The following SBF1 variants were observed in gnomAD, a reference collection of about 807,000 sequenced individuals.
The protein encoded by SBF1 is SET binding factor 1, also known as myotubularin-related protein 5.
SBF1 carries 65 observed loss-of-function variants against 215.8 expected under a neutral mutation model. The observed-to-expected ratio is 0.30, with a 90% CI of 0.25 to 0.37. SBF1 has a LOEUF of 0.37. Ranked by LOEUF, SBF1 falls within the 10% of genes least tolerant of loss-of-function variation. The pLI is 1.00. For missense variants in SBF1, 2,634 were observed against 2,667.8 expected (o/e 0.99, Z 0.28); for synonymous variants, 1,410 against 1,122.8 (o/e 1.26, Z -5.11).
chr22:50,464,782 G>C (rs780501494), intron 13 of SBF1, 37 bp downstream of exon 13: 2 of 1,612,292 alleles, frequency 1.2e-6, no homozygotes, highest in East Asian at 4.5e-5. Context: ...CAGGGATCAA[G>C]GCGGTACGAC....
At chr22:50,463,664 G>A (rs915841757) in intron 15 of SBF1, among the ~76,000 whole-genome samples, 11 of 152,266 alleles carry the variant, frequency 7.2e-5, no homozygotes, top group Non-Finnish European at 1.6e-4. Context: ...CCTGTGAGCT[G>A]GCAGGGAGGT....
chr22:50,455,119 C>T lies in SBF1; in HGVS notation c.4578G>A (p.Glu1526=), dbSNP rs2067196349. Residue 1526 remains glutamate, a synonymous_variant, in exon 34 of 41, where the codon GAG becomes GAA. Coordinates refer to ENST00000380817, the MANE Select transcript of SBF1 (RefSeq NM_002972.4). The part of the protein sequence containing the change: ...VHQVHLQFPM[E]FEFSQFYLKF... ...TGAGGTAGAACTGGCTGAACTCAAA[C>T]TCCATGGGGAACTGCAGGTGGACCT... 3 of 1,614,162 alleles carry T rather than the reference C, an allele frequency of 1.9e-6. No individual in the cohort carries two copies. In the African/African-American group the frequency reaches 4.0e-5, roughly 22 times the overall value.
At chr22:50,472,887 C>T (rs1603435644) in intron 1 of SBF1, among the ~76,000 whole-genome samples, 1 of 152,200 alleles carries the variant, frequency 6.6e-6, no homozygotes, top group African/African-American at 2.4e-5. Flanking sequence ...CCAGCTCAAC[C>T]CCAGAAGGTA....
chr22:50,448,465 C>T (rs1255380545), intron 37 of SBF1, 21 bp from the exon 38 acceptor site: 1 of 1,612,644 alleles, frequency 6.2e-7, no homozygotes, highest in Non-Finnish European at 8.5e-7. Context: ...GAGGTTGGGA[C>T]TTGGGTCAGG....
rs138127298 is a variant in SBF1 at position 50,448,285 on chromosome 22, G to A, written c.5311C>T (p.Arg1771Cys). 5.6e-4 allele frequency: 897 copies of A among 1,613,136 alleles called. 13 individuals are homozygous for A. In the East Asian group the frequency reaches 0.016, roughly 29 times the overall value. The change falls in exon 38 of 41, where the codon CGC becomes TGC. Residue 1771 changes from arginine (R) to cysteine (C), a missense_variant. By Grantham distance (180) the Arg-to-Cys change is radical. Transcript: ENST00000380817. ...TGGCTGTACAGGGTGCTGGTGCTGC[G>A]GCGGGCAGCCTGACGGGAGCCGGAT... ...TTSGSRQAAR[R>C]STSTLYSQFQ...
Position 50,461,845 on chromosome 22 carries a change from G to C in SBF1, c.2594C>G (p.Thr865Ser). The change falls in exon 21 of 41, where the codon ACC becomes AGC. Residue 865 changes from threonine (T) to serine (S), a missense_variant. Coordinates refer to ENST00000380817, the MANE Select transcript of SBF1 (RefSeq NM_002972.4). Reference sequence around the variant, plus strand: ...GCTCTCCCGCTGCACGGCCTCCAGGGTCTCGATGTGCATCTGGACAATGTC... The same window carrying C: ...GCTCTCCCGCTGCACGGCCTCCAGGCTCTCGATGTGCATCTGGACAATGTC... ...VPDIVQMHIETLEAVQRESRR... is the reference protein window; with the variant it reads ...VPDIVQMHIESLEAVQRESRR... The C allele has an allele frequency of 6.2e-7, 1 of 1,613,858 alleles. No individual in the cohort carries two copies. The highest frequency in any genetic ancestry group is 8.5e-7 in the Non-Finnish European group (1 of 1,180,032).
chr22:50,450,824 C>T (rs188479066), intron 36 of SBF1, among the ~76,000 whole-genome samples: 2 of 152,160 alleles, frequency 1.3e-5, no homozygotes, highest in South Asian at 2.1e-4. Context: ...AAAGACAACA[C>T]AGGCAGGGCA....
At position 50,468,472 on chromosome 22, in the gene SBF1, G is replaced by C; in HGVS notation, c.56-11C>G. The C allele has an allele frequency of 6.3e-7, 1 of 1,581,980 alleles. No homozygotes were observed. The highest frequency in any genetic ancestry group is 8.6e-7 in the Non-Finnish European group (1 of 1,161,202). On this transcript the variant is annotated splice_polypyrimidine_tract_variant and intron_variant, in intron 1 of 40. Coordinates refer to ENST00000380817, the MANE Select transcript of SBF1 (RefSeq NM_002972.4). ...GGCCTTCCCCACTCCCTGAGGACAA[G>C]AACAGGGGGTCAGAGCACCCAACCC...
chr22:50,470,585 C>T (rs558420754), intron 1 of SBF1, among the ~76,000 whole-genome samples: 1 of 152,254 alleles, frequency 6.6e-6, no homozygotes, highest in South Asian at 2.1e-4. Flanking sequence ...CCACAGAGCA[C>T]CCCCTCCCCT....
chr22:50,459,605 G>A lies in SBF1; in HGVS notation c.3553C>T (p.Arg1185Cys), dbSNP rs962590087. The A allele has an allele frequency of 1.7e-5, 27 of 1,609,780 alleles. No individual in the cohort carries two copies. The highest frequency in any genetic ancestry group is 2.1e-5 in the Non-Finnish European group (25 of 1,178,938). Reference protein sequence around the residue: ...VQDNALQRVSRCYRQNRFPVV... With the variant: ...VQDNALQRVSCCYRQNRFPVV... ...GGGAAGCGGTTCTGGCGGTAGCAGCGGGACACGCGCTGCAGGGCGTTGTCC... is the reference window on the plus strand; with the variant it reads ...GGGAAGCGGTTCTGGCGGTAGCAGCAGGACACGCGCTGCAGGGCGTTGTCC... Residue 1185 changes from arginine to cysteine, a missense_variant, in exon 27 of 41, where the codon CGC becomes TGC. By Grantham distance (180) the Arg-to-Cys change is radical (BLOSUM62 -3). Coordinates refer to ENST00000380817, the MANE Select transcript of SBF1 (RefSeq NM_002972.4).
chr22:50,461,191 C>A lies in SBF1; in HGVS notation c.2935G>T (p.Asp979Tyr), dbSNP rs1252953498. The A allele has an allele frequency of 2.5e-6, 4 of 1,609,762 alleles. No individual in the cohort carries two copies. The highest frequency in any genetic ancestry group is 3.4e-6 in the Non-Finnish European group (4 of 1,177,734). ...VQTPVDQLLQ[D>Y]GLQLRSCTFQ... ...GTGCAGGAGCGCAGCTGGAGCCCGT[C>A]CTGCAGGAGCTGGTCCACAGGGGTC... Residue 979 changes from aspartate (D) to tyrosine (Y), a missense_variant, in exon 23 of 41, where the codon GAC (aspartate) becomes TAC (tyrosine). Transcript: ENST00000380817.
rs910989421 is a variant in SBF1 at position 50,473,319 on chromosome 22, C to T, written c.55+1467G>A. Among the ~76,000 whole-genome samples the T allele has an allele frequency of 2.4e-4, 36 of 152,308 alleles. 1 individual carries two copies. The highest frequency in any genetic ancestry group is 2.1e-3 in the Admixed American group (32 of 15,292). On this transcript the variant is annotated intron_variant, in intron 1 of 40. Coordinates refer to ENST00000380817, the MANE Select transcript of SBF1 (RefSeq NM_002972.4). Reference sequence around the variant, plus strand: ...CTCAGCCAGCCTTGCTTCCCTGGATCCTCAGGCACCCTCTGCCCCAGGTGG... The same window carrying T: ...CTCAGCCAGCCTTGCTTCCCTGGATTCTCAGGCACCCTCTGCCCCAGGTGG...
At chr22:50,456,457 C>CCCCCCCCA in intron 30 of SBF1, 35 bp downstream of exon 30, 1 of 1,486,334 alleles carries the variant, frequency 6.7e-7, no homozygotes, top group Non-Finnish European at 8.9e-7. Context: ...TGCCGAGCCC[C>CCCCCCCCA]CACCCTCACC....
chr22:50,463,983 G>A (rs1033521440), intron 15 of SBF1, among the ~76,000 whole-genome samples: 15 of 152,194 alleles, frequency 9.9e-5, no homozygotes, highest in East Asian at 3.8e-4. Context: ...ACGTATGGAG[G>A]GAGCAAGCTC....
rs2066809747 is a variant in SBF1, at chr22:50,446,356, T to TCCTCCCCC, written c.*785_*786insGGGGGAGG. 1 of 35,046 alleles carries TCCTCCCCC rather than the reference T, an allele frequency of 2.9e-5. No individual in the cohort carries two copies. The allele number at this position is 35,046 out of a possible 1,614,324, so 2.2% of individuals were successfully genotyped here. On this transcript the variant is annotated 3_prime_UTR_variant, in exon 41 of 41. Coordinates refer to ENST00000380817, the MANE Select transcript of SBF1 (RefSeq NM_002972.4). ...CCTGCATTCCCCTGGGAGCCCACTG[T>TCCTCCCCC]CCCCCCCCCCCCCCCGCCTCCGGCC...
At chr22:50,459,788 CG>C in intron 26 of SBF1, 122 bp from the exon 27 acceptor site, 1 of 1,334,828 alleles carries the variant, frequency 7.5e-7, no homozygotes, top group Non-Finnish European at 1.0e-6. Context: ...AGCTCAGCCA[CG>C]GGGCCCCCCA....
At position 50,448,568 on chromosome 22, in the gene SBF1, C is replaced by T. The variant is rs202115500; in HGVS notation, c.5126G>A (p.Arg1709His). 251 of 1,611,854 alleles carry T rather than the reference C, an allele frequency of 1.6e-4. No homozygotes were observed. The highest frequency in any genetic ancestry group is 1.9e-4 in the Non-Finnish European group (230 of 1,179,952). ...ACGGCCGTCTGGCCGGCCCTCGAGG[C>T]GCTGTGCAGCCTTCACCCGGTCCCA... ...DTWDRVKAAQ[R>H]LEGRPDGRGT... is the part of the protein sequence containing the mutation. Residue 1709 changes from arginine to histidine, a missense_variant, in exon 37 of 41, where the codon CGC becomes CAC. Physicochemically the swap from Arg to His is conservative, Grantham distance 29 (BLOSUM62 0). Coordinates refer to ENST00000380817, the MANE Select transcript of SBF1 (RefSeq NM_002972.4).
At chr22:50,458,507 T>G (rs936464633) in intron 28 of SBF1, among the ~76,000 whole-genome samples, 1 of 151,944 alleles carries the variant, frequency 6.6e-6, no homozygotes, top group African/African-American at 2.4e-5. Flanking sequence ...CACCTGCAAA[T>G]GCCACTCAGG....
In SBF1 at chr22:50,464,182, T is replaced by C. The variant is rs531202722; in HGVS notation, c.1749+147A>G. ...CAAGAGAGGAGACCTGGAGCCCACC[T>C]ACCCTCCGGCCAGCCCAGCCACCTC... On this transcript the variant is annotated intron_variant, in intron 15 of 40. Transcript: ENST00000380817. 1.1e-5 allele frequency: 7 copies of C among 639,760 alleles called. No homozygotes were observed. In the East Asian group the frequency reaches 2.1e-4, roughly 19 times the overall value. 39.6% of individuals were successfully genotyped at this position (639,760 alleles called of 1,614,324 possible). A position where few individuals can be genotyped will look rare whatever the true frequency, so the allele number is the denominator to read the frequency against.
Sources: gnomAD v4.1 joint callset for allele counts (sites outside exome capture counted in the v4.1 genomes callset) on GRCh38, gnomAD v4.1.1 for gene constraint, MANE v1.5 for transcripts, NCBI Gene and HGNC (gene_info 2026-07-23, HGNC 2026-07-21) for gene names.